UBE2E2: variants seen among roughly 807,000 people sequenced by gnomAD.
UBE2E2 encodes ubiquitin-conjugating enzyme E2 E2.
In UBE2E2, 6 loss-of-function variants were observed where a neutral mutation model predicts 24.7. The observed-to-expected ratio is 0.24, with a 90% confidence interval of 0.13 to 0.48. The LOEUF (loss-of-function observed/expected upper bound fraction) is 0.48, where lower values mean the gene tolerates loss of function less well. Ranked by LOEUF, UBE2E2 falls within the 20% of genes least tolerant of loss-of-function variation. UBE2E2 has a pLI of 0.99. For missense variants in UBE2E2, 169 were observed against 245.0 expected, an observed-to-expected ratio of 0.69 and a Z score of 2.07; for synonymous variants, 104 against 83.6, an observed-to-expected ratio of 1.24 and a Z score of -1.33.
intron 3 of UBE2E2, among the ~76,000 whole-genome samples, chr3:23,492,333 T>C (rs750859304): frequency 5.3e-5 from 8 of 152,208 alleles, no homozygotes; most frequent in Non-Finnish European, 7.3e-5. Context: ...CAAGGATTGC[T>C]AAAGCTTTTG....
intron 2 of UBE2E2, among the ~76,000 whole-genome samples, chr3:23,215,903 C>A (rs1696463396): frequency 6.6e-6 from 1 of 152,080 alleles, no homozygotes; most frequent in South Asian, 2.1e-4. Context: ...TATATCAAAT[C>A]TTTGAGACTT....
intron 3 of UBE2E2, among the ~76,000 whole-genome samples, chr3:23,242,812 G>A (rs114460169): frequency 0.069 from 10,454 of 152,118 alleles, 510 homozygotes; most frequent in Non-Finnish European, 0.092. Flanking sequence ...TCGGCCAGGC[G>A]CAGTGGCTCA....
chr3:23,439,123 A>G (rs1318477979), intron 3 of UBE2E2, among the ~76,000 whole-genome samples: 1 of 152,248 alleles, frequency 6.6e-6, no homozygotes, highest in African/African-American at 2.4e-5. Context: ...AGTTGATTCA[A>G]AGAAATGTTT....
intron 3 of UBE2E2, among the ~76,000 whole-genome samples, chr3:23,479,422 A>G (rs1699206702): frequency 6.6e-6 from 1 of 152,192 alleles, no homozygotes; most frequent in Admixed American, 6.5e-5. Flanking sequence ...CCCCAGGAAC[A>G]GCAGAGCCTC....
chr3:23,538,288 C>G (rs1575693300), intron 5 of UBE2E2, among the ~76,000 whole-genome samples: 1 of 152,050 alleles, frequency 6.6e-6, no homozygotes, highest in Admixed American at 6.5e-5. Context: ...CTGTCAACTT[C>G]TGTCTACCTG....
At chr3:23,568,043 C>A (rs1051821133) in intron 5 of UBE2E2, among the ~76,000 whole-genome samples, 1 of 152,232 alleles carries the variant, frequency 6.6e-6, no homozygotes, top group Non-Finnish European at 1.5e-5. Flanking sequence ...TGGACAGTCA[C>A]TCCTCAGCAC....
intron 3 of UBE2E2, among the ~76,000 whole-genome samples, chr3:23,370,592 A>G (rs1696375839): frequency 6.6e-6 from 1 of 152,168 alleles, no homozygotes. Flanking sequence ...TTTTCACAGG[A>G]ATGATGTGAA....
intron 2 of UBE2E2, among the ~76,000 whole-genome samples, chr3:23,210,910 T>G (rs989188240): frequency 6.6e-6 from 1 of 152,162 alleles, no homozygotes; most frequent in Non-Finnish European, 1.5e-5. Flanking sequence ...ATTTTAAATA[T>G]AAAAATGCGG....
intron 3 of UBE2E2, among the ~76,000 whole-genome samples, chr3:23,303,488 CAAGG>C: frequency 6.6e-6 from 1 of 152,116 alleles, no homozygotes; most frequent in Admixed American, 6.5e-5. Flanking sequence ...CATTTTCAGA[CAAGG>C]AAGGATGTAC....
chr3:23,338,148 G>A (rs1454002415), intron 3 of UBE2E2, among the ~76,000 whole-genome samples: 6 of 152,214 alleles, frequency 3.9e-5, no homozygotes, highest in African/African-American at 1.4e-4. Flanking sequence ...TCCAGTGGTT[G>A]TATTTGTGTG....
intron 3 of UBE2E2, among the ~76,000 whole-genome samples, chr3:23,239,095 A>T (rs1193431295): frequency 3.3e-5 from 5 of 152,126 alleles, no homozygotes; most frequent in Non-Finnish European, 7.4e-5. Context: ...AAGTAGTTTT[A>T]TATTTCCCTC....
At chr3:23,353,950 C>A (rs577025349) in intron 3 of UBE2E2, among the ~76,000 whole-genome samples, 8 of 152,230 alleles carry the variant, frequency 5.3e-5, no homozygotes, top group African/African-American at 1.9e-4. Context: ...GCCAAAAGAA[C>A]AAAGCTGGAG....
intron 3 of UBE2E2, among the ~76,000 whole-genome samples, chr3:23,494,254 T>C (rs958279302): frequency 1.3e-5 from 2 of 152,206 alleles, no homozygotes; most frequent in African/African-American, 4.8e-5. Context: ...ATGTATGTAA[T>C]TTTAAATCTC....
At chr3:23,323,301 C>A (rs1276906036) in intron 3 of UBE2E2, among the ~76,000 whole-genome samples, 1 of 151,900 alleles carries the variant, frequency 6.6e-6, no homozygotes, top group Non-Finnish European at 1.5e-5. Flanking sequence ...CTATAGTTAC[C>A]CATTTATTTT....
intron 3 of UBE2E2, among the ~76,000 whole-genome samples, chr3:23,358,637 A>G (rs908700574): frequency 6.6e-6 from 1 of 152,230 alleles, no homozygotes; most frequent in Admixed American, 6.5e-5. Flanking sequence ...ATAATTTATT[A>G]TATGGTTAAA....
At chr3:23,218,961 A>G (rs1234524258) in intron 3 of UBE2E2, among the ~76,000 whole-genome samples, 1 of 152,182 alleles carries the variant, frequency 6.6e-6, no homozygotes, top group East Asian at 1.9e-4. Flanking sequence ...GCTCTTCATA[A>G]ATAGAGCAAA....
chr3:23,344,351 T>G (rs1242994893), intron 3 of UBE2E2, among the ~76,000 whole-genome samples: 1 of 152,134 alleles, frequency 6.6e-6, no homozygotes, highest in African/African-American at 2.4e-5. Flanking sequence ...GGTCACATAT[T>G]GGGCAACCGA....
At chr3:23,337,982 A>T (rs1695257588) in intron 3 of UBE2E2, among the ~76,000 whole-genome samples, 1 of 152,178 alleles carries the variant, frequency 6.6e-6, no homozygotes, top group Non-Finnish European at 1.5e-5. Context: ...TGACTGAAAG[A>T]TGTGGTACCT....
intron 5 of UBE2E2, among the ~76,000 whole-genome samples, chr3:23,543,363 C>G (rs1031895568): frequency 2.0e-5 from 3 of 152,180 alleles, no homozygotes; most frequent in African/African-American, 7.2e-5. Context: ...TCAGTAAAGT[C>G]TCAGGTTACA....
Sources: allele counts gnomAD v4.1 joint callset (sites outside exome capture counted in the v4.1 genomes callset), GRCh38; gene constraint gnomAD v4.1.1; transcripts MANE v1.5; gene names NCBI Gene and HGNC (gene_info 2026-07-23, HGNC 2026-07-21).